CTIF: variants seen among roughly 807,000 people sequenced by gnomAD.
CTIF encodes the protein cap binding complex dependent translation initiation factor, also known as CBP80/20-dependent translation initiation factor.
Under a neutral mutation model 66.0 loss-of-function variants are expected in CTIF, and 21 were observed. The ratio of observed to expected loss-of-function variants is 0.32; its 90% CI spans 0.23 to 0.46. CTIF has a LOEUF of 0.46. CTIF is among the 20% of genes least tolerant of loss of function. The pLI is 1.00. For missense variants in CTIF, 739 were observed against 812.7 expected (o/e 0.91, Z 1.10); for synonymous variants, 345 against 326.4 (o/e 1.06, Z -0.62).
chr18:48,762,843 C>G (rs1054701044), intron 9 of CTIF, among the ~76,000 whole-genome samples: 1 of 152,198 alleles, frequency 6.6e-6, no homozygotes, highest in Non-Finnish European at 1.5e-5. Flanking sequence ...AGGAAGTTGC[C>G]GCTAAGGCCA....
chr18:48,754,932 T>C (rs771422690), intron 7 of CTIF, among the ~76,000 whole-genome samples: 10 of 152,228 alleles, frequency 6.6e-5, no homozygotes, highest in South Asian at 2.1e-4. Flanking sequence ...CCACTAGCCA[T>C]ATAGCAATTA....
intron 1 of CTIF, among the ~76,000 whole-genome samples, chr18:48,544,779 C>T (rs1239377969): frequency 6.6e-6 from 1 of 152,220 alleles, no homozygotes; most frequent in Non-Finnish European, 1.5e-5. Flanking sequence ...ACTTGATCAT[C>T]CTGCAGTCGG....
At chr18:48,648,821 C>G (rs551924439) in intron 3 of CTIF, among the ~76,000 whole-genome samples, 112 of 152,290 alleles carry the variant, frequency 7.4e-4, no homozygotes, top group African/African-American at 2.4e-3. Context: ...AAACACAGGT[C>G]CAAAAAGCCA....
chr18:48,742,806 A>G (rs1007295147), intron 7 of CTIF, among the ~76,000 whole-genome samples: 3 of 152,124 alleles, frequency 2.0e-5, no homozygotes, highest in African/African-American at 4.8e-5. Context: ...TGCTTCTGCC[A>G]GGGGTATTGG....
Position 48,804,166 on chromosome 18 carries a change from G to T in CTIF, c.1372-13055G>T, listed in dbSNP as rs558391159. ...CAGGGATACTTGGGGAAAGGTTCAA[G>T]TCCACCTAAAAAGGGACACACCCAA... On this transcript the variant is annotated intron_variant, in intron 9 of 11. Coordinates refer to ENST00000256413, the MANE Select transcript of CTIF (RefSeq NM_014772.3). Among the ~76,000 whole-genome samples, 157 of 152,308 alleles carry T rather than the reference G, an allele frequency of 1.0e-3. 4 individuals carry two copies. The highest frequency in any genetic ancestry group is 0.01 in the Admixed American group (157 of 15,300).
intron 1 of CTIF, among the ~76,000 whole-genome samples, chr18:48,547,532 T>C (rs186351813): frequency 1.8e-4 from 27 of 152,326 alleles, no homozygotes; most frequent in Admixed American, 1.2e-3. Flanking sequence ...TGCTTGCTGC[T>C]TGTGGCCGGG....
At chr18:48,849,710 C>T (rs1043279627) in intron 10 of CTIF, among the ~76,000 whole-genome samples, 4 of 151,386 alleles carry the variant, frequency 2.6e-5, no homozygotes, top group African/African-American at 9.7e-5. Flanking sequence ...CTCAGCCTCC[C>T]GAGTAGCTGG....
At chr18:48,653,634 T>C (rs1254287971) in intron 3 of CTIF, among the ~76,000 whole-genome samples, 3 of 152,154 alleles carry the variant, frequency 2.0e-5, no homozygotes, top group African/African-American at 4.8e-5. Flanking sequence ...ACTTTAAAGT[T>C]CATATGGAAC....
At chr18:48,813,008 T>C (rs979648338) in intron 9 of CTIF, among the ~76,000 whole-genome samples, 1 of 152,128 alleles carries the variant, frequency 6.6e-6, no homozygotes, top group East Asian at 1.9e-4. Flanking sequence ...TTTTTCTTTT[T>C]GTTTCTAGTC....
intron 6 of CTIF, among the ~76,000 whole-genome samples, chr18:48,675,862 C>T (rs10853569): frequency 0.3 from 45,200 of 152,060 alleles, 6,856 homozygotes; most frequent in Middle Eastern, 0.35. Context: ...GAGATGGAGC[C>T]GCATAATCTG....
At chr18:48,682,596 C>T (rs926732247) in intron 6 of CTIF, among the ~76,000 whole-genome samples, 2 of 152,216 alleles carry the variant, frequency 1.3e-5, no homozygotes, top group African/African-American at 2.4e-5. Flanking sequence ...ACATCACCTT[C>T]CCCTATCCCC....
At chr18:48,778,694 G>T (rs374997269) in intron 9 of CTIF, among the ~76,000 whole-genome samples, 4 of 152,214 alleles carry the variant, frequency 2.6e-5, no homozygotes, top group Non-Finnish European at 1.5e-5. Context: ...GTGTCCAGGG[G>T]CCTGAGGTGG....
intron 6 of CTIF, among the ~76,000 whole-genome samples, chr18:48,682,291 A>G (rs1313342712): frequency 6.6e-6 from 1 of 152,144 alleles, no homozygotes; most frequent in East Asian, 1.9e-4. Flanking sequence ...AACACACATG[A>G]TCCCGGGAGC....
chr18:48,603,142 A>G (rs1287747891), intron 1 of CTIF, among the ~76,000 whole-genome samples: 388 of 138,352 alleles, frequency 2.8e-3, no homozygotes, highest in African/African-American at 0.01. Flanking sequence ...TAGATAGTGG[A>G]TGGATGGATG....
At chr18:48,550,103 A>G (rs763633106) in intron 1 of CTIF, among the ~76,000 whole-genome samples, 2 of 152,220 alleles carry the variant, frequency 1.3e-5, no homozygotes, top group Non-Finnish European at 2.9e-5. Context: ...ATGCTGGTGC[A>G]TAGGATCCCA....
intron 1 of CTIF, among the ~76,000 whole-genome samples, chr18:48,572,043 T>C (rs985448748): frequency 8.7e-5 from 11 of 126,002 alleles, no homozygotes; most frequent in Non-Finnish European, 1.7e-4. Flanking sequence ...TATTTCTTCC[T>C]TCTCTTTCTC....
At chr18:48,541,221 C>A (rs1007953572) in intron 1 of CTIF, among the ~76,000 whole-genome samples, 1 of 152,124 alleles carries the variant, frequency 6.6e-6, no homozygotes, top group Admixed American at 6.5e-5. Flanking sequence ...CCAGCGCGCC[C>A]CAGCCCGGCC....
intron 1 of CTIF, among the ~76,000 whole-genome samples, chr18:48,564,367 G>A (rs970058404): frequency 2.0e-5 from 3 of 152,136 alleles, no homozygotes; most frequent in Non-Finnish European, 2.9e-5. Flanking sequence ...GTACAGCTCC[G>A]TGTCACAGCC....
chr18:48,640,487 A>T (rs1290817048), intron 3 of CTIF, among the ~76,000 whole-genome samples: 3 of 152,266 alleles, frequency 2.0e-5, no homozygotes, highest in Non-Finnish European at 4.4e-5. Context: ...ACCAACTTTG[A>T]TGAGCTTTCT....
Sources: allele counts gnomAD v4.1 joint callset (sites outside exome capture counted in the v4.1 genomes callset), GRCh38; gene constraint gnomAD v4.1.1; transcripts MANE v1.5; gene names NCBI Gene and HGNC (gene_info 2026-07-23, HGNC 2026-07-21).